The following EGFR variants were observed in gnomAD, a reference collection of about 807,000 sequenced individuals.
EGFR encodes epidermal growth factor receptor.
EGFR carries 58 observed loss-of-function variants against 143.0 expected under a neutral mutation model. The observed-to-expected ratio is 0.41, with a 90% confidence interval of 0.33 to 0.50. The LOEUF (loss-of-function observed/expected upper bound fraction) is 0.50. EGFR is among the 20% of genes least tolerant of loss of function. The pLI, the probability that EGFR is intolerant of heterozygous loss-of-function variation, is 0.39. For missense variants in EGFR, 1,307 were observed against 1,579.0 expected (o/e 0.83, Z 2.92); for synonymous variants, 613 against 594.4 (o/e 1.03, Z -0.45).
intron 15 of EGFR, among the ~76,000 whole-genome samples, chr7:55,166,009 C>A (rs1785960166): frequency 6.6e-6 from 1 of 152,012 alleles, no homozygotes; most frequent in South Asian, 2.1e-4. Context: ...GAAACCCCAC[C>A]TCTACTAAAA....
chr7:55,030,775 A>T (rs1024614770), intron 1 of EGFR, among the ~76,000 whole-genome samples: 1 of 152,196 alleles, frequency 6.6e-6, no homozygotes, highest in African/African-American at 2.4e-5. Flanking sequence ...AAGAGTGTTC[A>T]TTTTCCATAT....
At chr7:55,120,506 C>T (rs1000579047) in intron 1 of EGFR, among the ~76,000 whole-genome samples, 1 of 152,258 alleles carries the variant, frequency 6.6e-6, no homozygotes, top group Non-Finnish European at 1.5e-5. Flanking sequence ...AATGAACCAT[C>T]TGCAAAGCAT....
intron 14 of EGFR, 148 bp from the exon 15 acceptor site, chr7:55,165,132 A>G (rs1785902163): frequency 1.7e-6 from 2 of 1,154,266 alleles, no homozygotes; most frequent in East Asian, 5.1e-5. Flanking sequence ...GTGCAATCAC[A>G]GAATAACTGG....
chr7:55,152,109 G>A (rs1251050031), intron 5 of EGFR, among the ~76,000 whole-genome samples: 2 of 152,146 alleles, frequency 1.3e-5, no homozygotes, highest in Non-Finnish European at 2.9e-5. Flanking sequence ...CGATGGAGAG[G>A]GCCATTCTCC....
At chr7:55,091,378 GTGA>G (rs960762485) in intron 1 of EGFR, among the ~76,000 whole-genome samples, 6 of 152,222 alleles carry the variant, frequency 3.9e-5, no homozygotes, top group African/African-American at 1.4e-4. Context: ...TCCTAATGCA[GTGA>G]AAGATGTGTA....
At chr7:55,029,742 T>G (rs937827557) in intron 1 of EGFR, among the ~76,000 whole-genome samples, 2 of 152,198 alleles carry the variant, frequency 1.3e-5, no homozygotes, top group African/African-American at 4.8e-5. Context: ...TTGTTAGTTA[T>G]AATGGGGAGA....
chr7:55,112,592 G>A (rs935940504), intron 1 of EGFR, among the ~76,000 whole-genome samples: 5 of 152,238 alleles, frequency 3.3e-5, no homozygotes, highest in Non-Finnish European at 5.9e-5. Flanking sequence ...GCCCTGTGGA[G>A]TGGCTGGCCG....
intron 15 of EGFR, chr7:55,170,823 GCCTTGGTT>G: frequency 7.1e-7 from 1 of 1,418,260 alleles, no homozygotes; most frequent in Non-Finnish European, 9.2e-7. Flanking sequence ...CATGCTTCTA[GCCTTGGTT>G]CCTTCTGCCC....
rs575107498 is a variant in EGFR, at chr7:55,122,710, A to C, written c.89-19576A>C. 3.3e-5 allele frequency among the ~76,000 whole-genome samples: 5 copies of C among 152,322 alleles called. No individual in the cohort carries two copies. In the South Asian group the frequency reaches 1.0e-3, roughly 32 times the overall value. On this transcript the variant is annotated intron_variant, in intron 1 of 27. Transcript: ENST00000275493. Reference sequence around the variant, plus strand: ...TCCATCACAGGACAGCTCAAGCATCAGATCCTCTGGGACACTTTCCTTAGT... The same window carrying C: ...TCCATCACAGGACAGCTCAAGCATCCGATCCTCTGGGACACTTTCCTTAGT...
chr7:55,165,713 G>A lies in EGFR; in HGVS notation c.1880+276G>A, dbSNP rs373367159. Among the ~76,000 whole-genome samples, 157 of 152,280 alleles carry A rather than the reference G, an allele frequency of 1.0e-3. 1 individual carries two copies. The highest frequency in any genetic ancestry group is 3.3e-3 in the African/African-American group (139 of 41,522). ...GAGGGTAGGGGGACAAAAGAGCACA[G>A]GTCCTGGCAGCTGCCACAGTCTCCA... is the stretch of plus-strand genomic sequence containing the variant. On this transcript the variant is annotated intron_variant, in intron 15 of 27. Coordinates refer to ENST00000275493, the MANE Select transcript of EGFR (RefSeq NM_005228.5).
intron 1 of EGFR, among the ~76,000 whole-genome samples, chr7:55,096,092 G>A (rs192096367): frequency 1.4e-4 from 21 of 152,304 alleles, no homozygotes; most frequent in Admixed American, 3.9e-4. Flanking sequence ...AGTTCAGGAG[G>A]AGTGAAAGAA....
At chr7:55,028,649 A>G (rs933911668) in intron 1 of EGFR, among the ~76,000 whole-genome samples, 1 of 152,194 alleles carries the variant, frequency 6.6e-6, no homozygotes. Flanking sequence ...AATGCTTCAA[A>G]TTGTGCCGAA....
At chr7:55,121,397 T>C (rs1793195631) in intron 1 of EGFR, among the ~76,000 whole-genome samples, 1 of 152,232 alleles carries the variant, frequency 6.6e-6, no homozygotes, top group Admixed American at 6.5e-5. Flanking sequence ...GGCGTTTCAG[T>C]GGCATTGTGT....
intron 15 of EGFR, chr7:55,166,409 T>TA: frequency 1.9e-6 from 1 of 525,150 alleles, no homozygotes; most frequent in Non-Finnish European, 3.7e-6. Flanking sequence ...GCAAGGGTCT[T>TA]ACCTTCTCTG....
intron 1 of EGFR, among the ~76,000 whole-genome samples, chr7:55,116,297 A>G (rs1417626722): frequency 1.3e-5 from 2 of 152,198 alleles, no homozygotes; most frequent in Admixed American, 1.3e-4. Context: ...TCCTGTGCCC[A>G]CGCAATGCGC....
chr7:55,067,376 G>A (rs765413547), intron 1 of EGFR, among the ~76,000 whole-genome samples: 37 of 149,796 alleles, frequency 2.5e-4, no homozygotes, highest in Admixed American at 1.8e-3. Context: ...GTTGGAAAAC[G>A]GACATTCAAG....
intron 1 of EGFR, among the ~76,000 whole-genome samples, chr7:55,020,187 C>T (rs1031942605): frequency 1.3e-5 from 2 of 152,214 alleles, no homozygotes; most frequent in African/African-American, 2.4e-5. Flanking sequence ...CCGGTGCGCC[C>T]TCGTCTTGCC....
At chr7:55,125,407 C>T (rs1793464602) in intron 1 of EGFR, among the ~76,000 whole-genome samples, 1 of 117,508 alleles carries the variant, frequency 8.5e-6, no homozygotes, top group African/African-American at 2.7e-5. Context: ...CTCCATTTAT[C>T]TCAGTTAGAG....
intron 1 of EGFR, among the ~76,000 whole-genome samples, chr7:55,081,964 C>A (rs1262168604): frequency 6.6e-6 from 1 of 152,196 alleles, no homozygotes; most frequent in Admixed American, 6.5e-5. Context: ...ACTGCCTTTA[C>A]GATATCACTC....
Sources: gnomAD v4.1 joint callset for allele counts (sites outside exome capture counted in the v4.1 genomes callset) on GRCh38, gnomAD v4.1.1 for gene constraint, MANE v1.5 for transcripts, NCBI Gene and HGNC (gene_info 2026-07-23, HGNC 2026-07-21) for gene names.